MYO1B: variants seen among roughly 807,000 people sequenced by gnomAD.
MYO1B encodes the protein myosin IB.
A neutral mutation model predicts 159.7 loss-of-function variants in MYO1B; 72 were observed. The observed-to-expected ratio is 0.45, with a 90% CI of 0.37 to 0.55. The LOEUF (loss-of-function observed/expected upper bound fraction) is 0.55. Among genes scored for constraint, MYO1B ranks in the 20% least tolerant of loss-of-function variants. The pLI is 0.00. For missense variants in MYO1B, 1,062 were observed against 1,364.8 expected, an observed-to-expected ratio of 0.78 and a Z score of 3.50; for synonymous variants, 468 against 473.8, an observed-to-expected ratio of 0.99 and a Z score of 0.16.
At chr2:191,393,328 A>T in intron 20 of MYO1B, 106 bp downstream of exon 20, 3 of 1,257,652 alleles carry the variant, frequency 2.4e-6, no homozygotes, top group Non-Finnish European at 3.3e-6. Context: ...TCTCCCAACA[A>T]CCTCATGAGA....
At chr2:191,419,014 T>A (rs1207296703) in intron 30 of MYO1B, among the ~76,000 whole-genome samples, 3 of 152,180 alleles carry the variant, frequency 2.0e-5, no homozygotes, top group African/African-American at 7.2e-5. Context: ...AAGATTGTAA[T>A]GGAGCTGAAA....
intron 21 of MYO1B, among the ~76,000 whole-genome samples, chr2:191,399,329 T>A (rs1319710771): frequency 1.3e-5 from 2 of 151,900 alleles, no homozygotes; most frequent in African/African-American, 4.8e-5. Context: ...GATGATTTCA[T>A]GACATATGAA....
rs761963315 is a variant in MYO1B, at chr2:191,369,518, TTTTG to T, written c.1033-12_1033-9del. The stretch of plus-strand genomic sequence containing the variant: ...GCATTGTGGAATTGTGGGTGTTAAG[TTTTG>T]TTTGTTTGTTTTTTAATAGGCTTAT... On this transcript the variant is annotated intron_variant, in intron 11 of 30. Coordinates refer to ENST00000392318, the MANE Select transcript of MYO1B (RefSeq NM_001130158.3). The T allele has an allele frequency of 3.7e-5, 58 of 1,569,590 alleles. No homozygotes were observed. In the African/African-American group the frequency reaches 5.9e-4, roughly 16 times the overall value.
intron 7 of MYO1B, among the ~76,000 whole-genome samples, chr2:191,350,656 T>C (rs1478965139): frequency 6.6e-6 from 1 of 152,128 alleles, no homozygotes; most frequent in Non-Finnish European, 1.5e-5. Flanking sequence ...GGAGTAGACC[T>C]GTACTTCAGT....
chr2:191,258,866 G>A (rs1194614579), intron 1 of MYO1B, among the ~76,000 whole-genome samples: 2 of 152,158 alleles, frequency 1.3e-5, no homozygotes, highest in African/African-American at 2.4e-5. Context: ...CAATACAAAG[G>A]TATAGGTAAA....
At chr2:191,418,325 G>C (rs1055373335) in intron 30 of MYO1B, among the ~76,000 whole-genome samples, 2 of 43,400 alleles carry the variant, frequency 4.6e-5, no homozygotes, top group African/African-American at 6.1e-5. Flanking sequence ...AACCAGTGTT[G>C]AAAACCACAT....
Position 191,381,563 on chromosome 2 carries a change from G to A in MYO1B, c.1287G>A (p.Arg429=). The change falls in exon 14 of 31, where the codon CGG becomes CGA. Residue 429 remains arginine, a synonymous_variant. Coordinates refer to ENST00000392318, the MANE Select transcript of MYO1B (RefSeq NM_001130158.3). ...TLKEEQEEYI[R]EDIEWTHIDY... ...AAGAAGAGCAGGAGGAGTATATACG[G>A]GAGGTAATGTTGAAATGCTATTTTT... 1 of 1,604,134 alleles carries A rather than the reference G, an allele frequency of 6.2e-7. No homozygotes were observed. Among genetic ancestry groups the A allele is most frequent in the Non-Finnish European group, 8.5e-7 (1 of 1,172,618 alleles).
intron 13 of MYO1B, among the ~76,000 whole-genome samples, chr2:191,372,483 A>G (rs942179187): frequency 1.1e-4 from 17 of 152,238 alleles, no homozygotes; most frequent in African/African-American, 4.1e-4. Flanking sequence ...TTGAGTTACC[A>G]GATACCAGTA....
chr2:191,299,611 C>T (rs1041366466), intron 3 of MYO1B, among the ~76,000 whole-genome samples: 2 of 152,214 alleles, frequency 1.3e-5, no homozygotes, highest in African/African-American at 4.8e-5. Context: ...GCTTTTGCCA[C>T]ATTTACTATT....
chr2:191,415,642 A>C (rs1697517007), intron 29 of MYO1B, among the ~76,000 whole-genome samples: 1 of 151,528 alleles, frequency 6.6e-6, no homozygotes, highest in African/African-American at 2.4e-5. Context: ...TCCCTTGCAC[A>C]GCTAAGGCTG....
chr2:191,400,953 C>T, intron 23 of MYO1B, 118 bp downstream of exon 23: 2 of 936,490 alleles, frequency 2.1e-6, no homozygotes, highest in Middle Eastern at 2.2e-4. Flanking sequence ...TGGTGCATGT[C>T]CTAGCCGCCA....
chr2:191,262,779 G>A (rs1471432250), intron 1 of MYO1B, among the ~76,000 whole-genome samples: 1 of 152,084 alleles, frequency 6.6e-6, no homozygotes, highest in Non-Finnish European at 1.5e-5. Flanking sequence ...TTCTGAATAT[G>A]TTTTTTATTC....
intron 20 of MYO1B, among the ~76,000 whole-genome samples, chr2:191,395,407 A>T (rs1388907798): frequency 6.6e-6 from 1 of 152,136 alleles, no homozygotes. Flanking sequence ...ATTACCTCTG[A>T]TCTTCCAAGA....
chr2:191,422,906 T>C (rs923735452), intron 30 of MYO1B, among the ~76,000 whole-genome samples: 1 of 152,254 alleles, frequency 6.6e-6, no homozygotes, highest in Non-Finnish European at 1.5e-5. Context: ...AAATAATTCT[T>C]AGCCTTTCTA....
At chr2:191,335,977 C>G (rs1317125545) in intron 4 of MYO1B, among the ~76,000 whole-genome samples, 1 of 152,032 alleles carries the variant, frequency 6.6e-6, no homozygotes, top group Admixed American at 6.5e-5. Flanking sequence ...CATAAAAGTG[C>G]CCATGTATTT....
chr2:191,332,387 G>A (rs576596486), intron 4 of MYO1B, among the ~76,000 whole-genome samples: 2 of 151,656 alleles, frequency 1.3e-5, no homozygotes, highest in East Asian at 3.9e-4. Flanking sequence ...CTTCCATTAG[G>A]TCAGATCTGC....
chr2:191,259,930 G>A (rs1372988243), intron 1 of MYO1B, among the ~76,000 whole-genome samples: 1 of 152,132 alleles, frequency 6.6e-6, no homozygotes, highest in Non-Finnish European at 1.5e-5. Flanking sequence ...TTAGGGAAAA[G>A]CCAGGGCCTG....
At chr2:191,397,276 G>A (rs918357513) in intron 21 of MYO1B, among the ~76,000 whole-genome samples, 1 of 147,780 alleles carries the variant, frequency 6.8e-6, no homozygotes, top group Non-Finnish European at 1.5e-5. Flanking sequence ...AATAGTGGAG[G>A]GAAGGTCAGC....
intron 20 of MYO1B, among the ~76,000 whole-genome samples, chr2:191,396,077 A>G (rs1377200862): frequency 6.6e-6 from 1 of 152,192 alleles, no homozygotes; most frequent in African/African-American, 2.4e-5. Flanking sequence ...AAGAGAGAAC[A>G]CTCAAAAGCA....
Sources: gnomAD v4.1 joint callset for allele counts (sites outside exome capture counted in the v4.1 genomes callset) on GRCh38, gnomAD v4.1.1 for gene constraint, MANE v1.5 for transcripts, NCBI Gene and HGNC (gene_info 2026-07-23, HGNC 2026-07-21) for gene names.